The following TSHZ2 variants were observed in gnomAD, a reference collection of about 807,000 sequenced individuals.
TSHZ2 encodes teashirt zinc finger homeobox 2.
In TSHZ2, 21 loss-of-function variants were observed where a neutral mutation model predicts 74.4. The ratio of observed to expected loss-of-function variants is 0.28; its 90% CI spans 0.20 to 0.41. The LOEUF (loss-of-function observed/expected upper bound fraction) is 0.41, where lower values mean the gene tolerates loss of function less well. Among genes scored for constraint, TSHZ2 ranks in the 10% least tolerant of loss-of-function variants. The pLI is 1.00. For synonymous variants in TSHZ2, 540 were observed against 515.3 expected, an observed-to-expected ratio of 1.05 and a Z score of -0.65; for missense variants, 1,244 against 1,293.5, an observed-to-expected ratio of 0.96 and a Z score of 0.59.
At chr20:52,982,922 T>C (rs1023348149) in intron 1 of TSHZ2, among the ~76,000 whole-genome samples, 1 of 152,062 alleles carries the variant, frequency 6.6e-6, no homozygotes, top group Non-Finnish European at 1.5e-5. Context: ...GGTGATGTGA[T>C]CTGATTGGTT....
chr20:53,315,994 T>C (rs565913085), intron 2 of TSHZ2, among the ~76,000 whole-genome samples: 2 of 152,056 alleles, frequency 1.3e-5, no homozygotes, highest in East Asian at 3.9e-4. Context: ...GAAGAACACA[T>C]AATAAGACCC....
At chr20:53,290,323 GT>G (rs777439447) in intron 2 of TSHZ2, among the ~76,000 whole-genome samples, 19 of 151,778 alleles carry the variant, frequency 1.3e-4, no homozygotes, top group Non-Finnish European at 2.4e-4. Context: ...ATACTTCACT[GT>G]TCATTTTGGT....
At chr20:53,033,771 T>C (rs1432566389) in intron 1 of TSHZ2, among the ~76,000 whole-genome samples, 2 of 149,154 alleles carry the variant, frequency 1.3e-5, no homozygotes, top group East Asian at 2.0e-4. Context: ...GCAATTTGCT[T>C]GCCTCAGCCT....
intron 1 of TSHZ2, among the ~76,000 whole-genome samples, chr20:53,064,426 CTTCT>C (rs1377799329): frequency 2.6e-5 from 4 of 152,170 alleles, no homozygotes; most frequent in South Asian, 2.1e-4. Context: ...ATGCTTAAGC[CTTCT>C]TTATTTTTTT....
intron 2 of TSHZ2, among the ~76,000 whole-genome samples, chr20:53,369,445 G>T (rs1023683744): frequency 5.9e-5 from 9 of 152,114 alleles, no homozygotes; most frequent in African/African-American, 2.2e-4. Context: ...TGTGGCTCCC[G>T]CCTGTAATCT....
chr20:53,093,599 C>G (rs1419884043), intron 1 of TSHZ2, among the ~76,000 whole-genome samples: 4 of 152,204 alleles, frequency 2.6e-5, no homozygotes, highest in African/African-American at 9.7e-5. Flanking sequence ...TTTGGCTTTT[C>G]TAATGGCTGG....
chr20:53,432,189 A>C (rs1406686289), intron 2 of TSHZ2, among the ~76,000 whole-genome samples: 1 of 152,098 alleles, frequency 6.6e-6, no homozygotes, highest in Non-Finnish European at 1.5e-5. Flanking sequence ...ACTCACCCAT[A>C]ACTTAGCTCT....
chr20:53,260,355 G>C (rs1990578715), intron 2 of TSHZ2, among the ~76,000 whole-genome samples: 1 of 152,140 alleles, frequency 6.6e-6, no homozygotes, highest in Non-Finnish European at 1.5e-5. Flanking sequence ...ATTCCCCAAG[G>C]TCCTACAATC....
chr20:53,221,752 C>T (rs999223237), intron 1 of TSHZ2, among the ~76,000 whole-genome samples: 4 of 152,132 alleles, frequency 2.6e-5, no homozygotes, highest in Non-Finnish European at 5.9e-5. Context: ...ACAAAATGAC[C>T]CCATTTCTAA....
chr20:53,298,910 G>T (rs1991429957), intron 2 of TSHZ2, among the ~76,000 whole-genome samples: 1 of 152,136 alleles, frequency 6.6e-6, no homozygotes, highest in African/African-American at 2.4e-5. Flanking sequence ...GAAGTGCTCT[G>T]GTAAAATATG....
intron 1 of TSHZ2, among the ~76,000 whole-genome samples, chr20:53,056,595 G>A (rs1057173134): frequency 2.0e-5 from 3 of 152,080 alleles, no homozygotes; most frequent in African/African-American, 7.2e-5. Flanking sequence ...TAAGGACAGG[G>A]TTCTTTGTTT....
At chr20:53,086,598 A>G (rs1419804755) in intron 1 of TSHZ2, among the ~76,000 whole-genome samples, 2 of 152,176 alleles carry the variant, frequency 1.3e-5, no homozygotes. Context: ...AGGGCAAATA[A>G]CAACCTCTCC....
At chr20:53,437,241 G>A (rs1984119271) in intron 2 of TSHZ2, among the ~76,000 whole-genome samples, 1 of 152,152 alleles carries the variant, frequency 6.6e-6, no homozygotes, top group Admixed American at 6.5e-5. Context: ...GGGAGGCCGA[G>A]GCAGATGGAT....
intron 1 of TSHZ2, among the ~76,000 whole-genome samples, chr20:53,204,862 A>G (rs374153715): frequency 7.2e-5 from 11 of 152,024 alleles, no homozygotes; most frequent in African/African-American, 2.4e-4. Context: ...CGGGCGGATC[A>G]TGAGGTCAGG....
Position 53,122,981 on chromosome 20 carries a change from C to T in TSHZ2, c.41-130518C>T, listed in dbSNP as rs538393870. ...AACTGGGGGAGGTACTGGGTATTTC[C>T]GCTTTCTACTCTTCCACTTCCCTTC... is the stretch of plus-strand genomic sequence containing the variant. On this transcript the variant is annotated intron_variant, in intron 1 of 2. Coordinates refer to ENST00000371497, the MANE Select transcript of TSHZ2 (RefSeq NM_173485.6). Among the ~76,000 whole-genome samples, 370 of 152,222 alleles carry T rather than the reference C, an allele frequency of 2.4e-3. 1 individual carries two copies. Among genetic ancestry groups the T allele is most frequent in the African/African-American group, 8.2e-3 (339 of 41,528 alleles).
chr20:53,443,556 G>GC (rs552988527), intron 2 of TSHZ2, among the ~76,000 whole-genome samples: 115 of 152,240 alleles, frequency 7.6e-4, no homozygotes, highest in Middle Eastern at 3.4e-3. Flanking sequence ...GCCCTGGGTG[G>GC]CCTTGATTAA....
At chr20:53,184,940 C>T (rs539462085) in intron 1 of TSHZ2, among the ~76,000 whole-genome samples, 1 of 152,282 alleles carries the variant, frequency 6.6e-6, no homozygotes, top group African/African-American at 2.4e-5. Flanking sequence ...AACTCCTGGC[C>T]TCAAGTGATC....
At chr20:53,057,298 A>G (rs1403380422) in intron 1 of TSHZ2, among the ~76,000 whole-genome samples, 3 of 152,116 alleles carry the variant, frequency 2.0e-5, no homozygotes. Context: ...ACTCATATTT[A>G]TATCTTCCTC....
At chr20:53,130,323 T>TTA (rs1305375224) in intron 1 of TSHZ2, among the ~76,000 whole-genome samples, 1 of 152,100 alleles carries the variant, frequency 6.6e-6, no homozygotes, top group Non-Finnish European at 1.5e-5. Flanking sequence ...TTGTTGTTGT[T>TTA]ATTTAAAGTA....
Sources: allele counts gnomAD v4.1 joint callset (sites outside exome capture counted in the v4.1 genomes callset), GRCh38; gene constraint gnomAD v4.1.1; transcripts MANE v1.5; gene names NCBI Gene and HGNC (gene_info 2026-07-23, HGNC 2026-07-21).